Variants in SUCO observed in about 807,000 individuals in gnomAD.
SUCO encodes the protein SUN domain-containing ossification factor.
In SUCO, 57 loss-of-function variants were observed where a neutral mutation model predicts 148.1. The ratio of observed to expected loss-of-function variants is 0.38; its 90% CI spans 0.31 to 0.48. SUCO has a LOEUF of 0.48. Among genes scored for constraint, SUCO ranks in the 20% least tolerant of loss-of-function variants. The pLI, the probability that SUCO is intolerant of heterozygous loss-of-function variation, is 0.96. For synonymous variants in SUCO, 470 were observed against 502.7 expected, an observed-to-expected ratio of 0.93 and a Z score of 0.87; for missense variants, 1,331 against 1,468.2, an observed-to-expected ratio of 0.91 and a Z score of 1.53.
At chr1:172,579,859 C>T (rs1230928804) in intron 15 of SUCO, among the ~76,000 whole-genome samples, 2 of 152,060 alleles carry the variant, frequency 1.3e-5, no homozygotes, top group Non-Finnish European at 2.9e-5. Flanking sequence ...AGGTATATTT[C>T]AATGATGTTT....
chr1:172,605,601 C>T (rs1486389143), intron 22 of SUCO, among the ~76,000 whole-genome samples: 1 of 151,804 alleles, frequency 6.6e-6, no homozygotes, highest in Non-Finnish European at 1.5e-5. Flanking sequence ...TGTGAGTTAT[C>T]TAACTTCATT....
chr1:172,592,410 G>A (rs926327386), intron 19 of SUCO, among the ~76,000 whole-genome samples: 35 of 152,160 alleles, frequency 2.3e-4, no homozygotes, highest in Non-Finnish European at 4.1e-4. Flanking sequence ...ATGGTTTTAG[G>A]TCTAACATTT....
intron 9 of SUCO, among the ~76,000 whole-genome samples, chr1:172,572,400 C>T (rs181824642): frequency 1.1e-4 from 16 of 151,774 alleles, no homozygotes; most frequent in Admixed American, 3.3e-4. Flanking sequence ...GTGACCCTAC[C>T]CCCAACCCTG....
rs575131699 is a variant in SUCO, at chr1:172,573,031, A to T, written c.1050-860A>T. Among the ~76,000 whole-genome samples the T allele has an allele frequency of 4.6e-3, 692 of 149,230 alleles. 4 individuals are homozygous for T. The highest frequency in any genetic ancestry group is 0.029 in the South Asian group (137 of 4,756). ...TAAATGTAAATCTTAGCATCATTTT[A>T]AAAAAAAACAGCTTTATTGGGGTAT... On this transcript the variant is annotated intron_variant, in intron 9 of 23. Transcript: ENST00000263688.
intron 15 of SUCO, chr1:172,584,487 T>G (rs1656096299): frequency 3.2e-6 from 1 of 308,288 alleles, no homozygotes; most frequent in African/African-American, 2.3e-5. Flanking sequence ...AAAAGTATAT[T>G]TAAGGCCAGG....
At position 172,609,822 on chromosome 1, in the gene SUCO, C is replaced by G; in HGVS notation, c.3328C>G (p.Arg1110Gly). 1 of 1,593,252 alleles carries G rather than the reference C, an allele frequency of 6.3e-7. No individual in the cohort carries two copies. Among genetic ancestry groups the G allele is most frequent in the Non-Finnish European group, 8.5e-7 (1 of 1,173,690 alleles). ...LKFSPEKKKK[R>G]CKYKIEKIET... ...TCTTTTACTTGTGTTGTAGAAGAAG[C>G]GCTGCAAGTACAAAATTGAAAAAAT... The change falls in exon 24 of 24, where the codon CGC (arginine) becomes GGC (glycine). Residue 1110 changes from arginine to glycine, a missense_variant. Arg to Gly is a moderately radical substitution (Grantham distance 125, BLOSUM62 -2). Coordinates refer to ENST00000263688, the MANE Select transcript of SUCO (RefSeq NM_014283.5).
Position 172,589,573 on chromosome 1 carries a change from A to G in SUCO, c.2472A>G (p.Ile824Met). The change falls in exon 18 of 24, where the codon ATA (isoleucine) becomes ATG (methionine). Residue 824 changes from isoleucine (I) to methionine (M), a missense_variant. Transcript: ENST00000263688. ...MQIFTKLSET[I>M]VPPINTATVP... The stretch of plus-strand genomic sequence containing the variant: ...TTTTCACAAAGCTGTCTGAAACAAT[A>G]GTGCCACCAATAAATACAGCCACTG... The G allele has an allele frequency of 1.9e-6, 3 of 1,613,840 alleles. No homozygotes were observed. Among genetic ancestry groups the G allele is most frequent in the Non-Finnish European group, 2.5e-6 (3 of 1,179,878 alleles).
chr1:172,607,531 T>C (rs2149274276), intron 22 of SUCO, among the ~76,000 whole-genome samples: 1 of 152,066 alleles, frequency 6.6e-6, no homozygotes, highest in South Asian at 2.1e-4. Flanking sequence ...AAAGTTCATA[T>C]ATTCTTGTGT....
intron 22 of SUCO, 154 bp from the exon 23 acceptor site, chr1:172,608,593 A>C: frequency 1.5e-6 from 1 of 669,946 alleles, no homozygotes; most frequent in South Asian, 1.7e-5. Flanking sequence ...TTTAAAATGC[A>C]TAAATATATA....
intron 22 of SUCO, 135 bp from the exon 23 acceptor site, chr1:172,608,612 G>A (rs1658004908): frequency 2.8e-6 from 2 of 726,820 alleles, no homozygotes; most frequent in Non-Finnish European, 4.9e-6. Flanking sequence ...TAGTTAACCT[G>A]ATACAAATTC....
At chr1:172,583,183 T>G (rs974205042) in intron 15 of SUCO, among the ~76,000 whole-genome samples, 2 of 152,228 alleles carry the variant, frequency 1.3e-5, no homozygotes, top group Admixed American at 1.3e-4. Flanking sequence ...ATTCCAGACT[T>G]CATCTTGGTT....
chr1:172,592,058 G>T (rs973081502), intron 19 of SUCO, among the ~76,000 whole-genome samples: 2 of 152,280 alleles, frequency 1.3e-5, no homozygotes, highest in Non-Finnish European at 2.9e-5. Context: ...TCATGTGTCT[G>T]TTGGCTGCAT....
chr1:172,551,167 T>C (rs574290201), intron 1 of SUCO, among the ~76,000 whole-genome samples: 25 of 152,192 alleles, frequency 1.6e-4, no homozygotes, highest in Admixed American at 3.3e-4. Context: ...CTTAAATATT[T>C]GTTAGAATTT....
chr1:172,584,079 T>G (rs1204600713), intron 15 of SUCO, among the ~76,000 whole-genome samples: 2 of 152,216 alleles, frequency 1.3e-5, no homozygotes, highest in Non-Finnish European at 2.9e-5. Flanking sequence ...ATTTGTATGC[T>G]TTATGATTTA....
chr1:172,570,077 G>T lies in SUCO; in HGVS notation c.887G>T (p.Gly296Val), dbSNP rs1654839866. 2 of 1,586,250 alleles carry T rather than the reference G, an allele frequency of 1.3e-6. No individual in the cohort carries two copies. The highest frequency in any genetic ancestry group is 1.7e-5 in the Admixed American group (1 of 58,540). Residue 296 changes from glycine to valine, a missense_variant, in exon 8 of 24, where the codon GGT becomes GTT. Around this residue, in one of 3 missense-constraint regions of SUCO, gnomAD observed 992 missense variants for 1,093.5 expected, o/e 0.91. Transcript: ENST00000263688. ...TCGATGCATGCATCTTCTAATGGAG[G>T]TTCACATGCCACCAAAAAGGTCCAG... Reference protein sequence around the residue: ...SQSMHASSNGGSHATKKVQKN... With the variant: ...SQSMHASSNGVSHATKKVQKN...
At chr1:172,570,253 A>G (rs1023406320) in intron 8 of SUCO, 82 bp downstream of exon 8, 9 of 773,728 alleles carry the variant, frequency 1.2e-5, no homozygotes, top group African/African-American at 1.1e-4. Context: ...ACTGGGAACT[A>G]TATTTTAATG....
chr1:172,593,518 A>G (rs1656832662), intron 19 of SUCO, among the ~76,000 whole-genome samples: 1 of 152,244 alleles, frequency 6.6e-6, no homozygotes, highest in South Asian at 2.1e-4. Context: ...CCTTTTCTGC[A>G]TCTGTTGAGT....
chr1:172,577,705 G>T, intron 12 of SUCO, 59 bp from the exon 13 acceptor site: 2 of 1,581,970 alleles, frequency 1.3e-6, no homozygotes, highest in Non-Finnish European at 1.7e-6. Context: ...TGAGTATATT[G>T]TTAGATAATC....
At chr1:172,602,001 T>TA in intron 20 of SUCO, 63 bp from the exon 21 acceptor site, 1 of 1,433,780 alleles carries the variant, frequency 7.0e-7, no homozygotes. Context: ...GAATTTTAGA[T>TA]ACCCTTATAT....
Sources: gnomAD v4.1 joint callset for allele counts (sites outside exome capture counted in the v4.1 genomes callset) on GRCh38, gnomAD v4.1.1 for gene constraint, gnomAD v4.1.1 regional missense constraint, MANE v1.5 for transcripts, NCBI Gene and HGNC (gene_info 2026-07-23, HGNC 2026-07-21) for gene names.